SOCS2: variants seen among roughly 807,000 people sequenced by gnomAD.
SOCS2 encodes suppressor of cytokine signaling 2.
SOCS2 carries 10 observed loss-of-function variants against 18.6 expected under a neutral mutation model. That is an observed-to-expected ratio of 0.54 (90% confidence interval 0.33 to 0.91). The LOEUF is 0.91. Among genes scored for constraint, SOCS2 ranks in the 40% least tolerant of loss-of-function variants. SOCS2 has a pLI of 0.02. For missense variants in SOCS2, 231 were observed against 247.2 expected, an observed-to-expected ratio of 0.93 and a Z score of 0.44; for synonymous variants, 104 against 104.0, an observed-to-expected ratio of 1.00 and a Z score of 0.00.
intron 1 of SOCS2, 39 bp downstream of exon 1, chr12:93,573,075 C>G: frequency 6.5e-7 from 1 of 1,545,566 alleles, no homozygotes; most frequent in Non-Finnish European, 8.7e-7. Context: ...CGGGAGGGAG[C>G]GCCTCCCCAA....
chr12:93,610,640 G>T, the SOCS2 span, among the ~76,000 whole-genome samples: 3 of 152,144 alleles, frequency 2.0e-5, no homozygotes, highest in Non-Finnish European at 4.4e-5. Context: ...CAGTACTCTC[G>T]TAGAAGAGGT....
At chr12:93,573,415 A>C in intron 1 of SOCS2, 2 of 422,656 alleles carry the variant, frequency 4.7e-6, no homozygotes, top group Non-Finnish European at 8.3e-6. Flanking sequence ...CGGGCCCCGC[A>C]GGCCCAGCAG....
the SOCS2 span, among the ~76,000 whole-genome samples, chr12:93,597,085 C>A: frequency 6.6e-6 from 1 of 152,156 alleles, no homozygotes; most frequent in Non-Finnish European, 1.5e-5. Context: ...AGTTTCCCCC[C>A]AGTGGTTGGC....
chr12:93,609,338 G>A, the SOCS2 span, among the ~76,000 whole-genome samples: 1 of 151,818 alleles, frequency 6.6e-6, no homozygotes, highest in Non-Finnish European at 1.5e-5. Context: ...GTTGGGGTGA[G>A]CCAAGACTGT....
chr12:93,588,762 A>T, the SOCS2 span, among the ~76,000 whole-genome samples: 28 of 152,064 alleles, frequency 1.8e-4, no homozygotes, highest in Admixed American at 5.9e-4. Context: ...GACTACAGGC[A>T]TGCACCACCA....
chr12:93,621,646 A>T, the SOCS2 span, among the ~76,000 whole-genome samples: 1 of 151,366 alleles, frequency 6.6e-6, no homozygotes, highest in Admixed American at 6.6e-5. Flanking sequence ...CCAGCTAATT[A>T]AAAAAAAATT....
downstream of SOCS2, among the ~76,000 whole-genome samples, chr12:93,583,705 G>A (rs1414719378): frequency 6.6e-6 from 1 of 152,188 alleles, no homozygotes; most frequent in Non-Finnish European, 1.5e-5. Flanking sequence ...TACGTCCAAG[G>A]CGTGACAGGC....
At chr12:93,583,772 C>A (rs901301687), downstream of SOCS2, among the ~76,000 whole-genome samples, 1 of 152,190 alleles carries the variant, frequency 6.6e-6, no homozygotes, top group African/African-American at 2.4e-5. Flanking sequence ...AAAGCTAGAA[C>A]ATTTACTAAT....
chr12:93,623,274 G>T, the SOCS2 span, among the ~76,000 whole-genome samples: 1 of 152,042 alleles, frequency 6.6e-6, no homozygotes, highest in Middle Eastern at 3.2e-3. Flanking sequence ...CATGTAAGAC[G>T]TGCCTTGCTT....
downstream of SOCS2, among the ~76,000 whole-genome samples, chr12:93,587,667 C>T (rs531766935): frequency 7.1e-5 from 10 of 140,522 alleles, no homozygotes; most frequent in South Asian, 1.1e-3. Flanking sequence ...GGTGACAGAG[C>T]GAGACTCTGT....
chr12:93,596,492 A>G, the SOCS2 span, among the ~76,000 whole-genome samples: 12 of 152,174 alleles, frequency 7.9e-5, no homozygotes, highest in Non-Finnish European at 1.6e-4. Flanking sequence ...TAAGACTACC[A>G]AGAGACCCAG....
the SOCS2 span, among the ~76,000 whole-genome samples, chr12:93,591,295 T>C: frequency 6.8e-6 from 1 of 148,090 alleles, no homozygotes; most frequent in Middle Eastern, 3.3e-3. Flanking sequence ...CAGCCCGAGA[T>C]ACTGGAAGCG....
the SOCS2 span, among the ~76,000 whole-genome samples, chr12:93,617,062 C>T: frequency 3.9e-5 from 6 of 152,142 alleles, no homozygotes; most frequent in East Asian, 5.8e-4. Context: ...TGTGCTGGGC[C>T]GTGTCCATTG....
the SOCS2 span, among the ~76,000 whole-genome samples, chr12:93,615,019 T>C: frequency 1.1e-4 from 17 of 152,080 alleles, no homozygotes; most frequent in Admixed American, 1.1e-3. Context: ...TCATTGCCAC[T>C]TAATTTTCCA....
In SOCS2 at chr12:93,575,006, G is replaced by GC; in HGVS notation, c.430dup (p.Arg144ProfsTer25). ...CAAGGATAAGCGGACAGGTCCAGAA[G>GC]CCCCCCGGAACGGCACTGTTCACCT... On this transcript the variant is annotated frameshift_variant, in exon 2 of 2. Transcript: ENST00000551556. LOFTEE classifies it high-confidence loss of function. The GC allele has an allele frequency of 1.9e-6, 3 of 1,614,032 alleles. No homozygotes were observed. The highest frequency in any genetic ancestry group is 2.5e-6 in the Non-Finnish European group (3 of 1,179,976).
downstream of SOCS2, among the ~76,000 whole-genome samples, chr12:93,586,046 CT>C (rs1228902543): frequency 2.6e-5 from 4 of 151,746 alleles, no homozygotes; most frequent in African/African-American, 7.3e-5. Context: ...TTTTTTATTG[CT>C]TTTTTTTCCC....
the SOCS2 span, among the ~76,000 whole-genome samples, chr12:93,602,954 G>A: frequency 1.3e-5 from 2 of 152,142 alleles, no homozygotes; most frequent in Non-Finnish European, 2.9e-5. Flanking sequence ...CCTAGAGAGC[G>A]CTGCTGGGCC....
chr12:93,591,075 C>G, the SOCS2 span, among the ~76,000 whole-genome samples: 1 of 151,710 alleles, frequency 6.6e-6, no homozygotes, highest in African/African-American at 2.4e-5. Context: ...TTTTTTAACG[C>G]TTTATTGAAA....
the SOCS2 span, among the ~76,000 whole-genome samples, chr12:93,592,917 C>CT: frequency 0.023 from 2,448 of 107,256 alleles, 48 homozygotes; most frequent in African/African-American, 0.054. Flanking sequence ...ACTGAGAAAG[C>CT]TTTTTTTTTT....
Sources: allele counts gnomAD v4.1 joint callset (sites outside exome capture counted in the v4.1 genomes callset), GRCh38; gene constraint gnomAD v4.1.1; transcripts MANE v1.5; gene names NCBI Gene and HGNC (gene_info 2026-07-23, HGNC 2026-07-21).